Variants in GNPDA2 observed in about 807,000 individuals in gnomAD.
GNPDA2 encodes glucosamine-6-phosphate deaminase 2, also known as glcN6P deaminase 2.
Under a neutral mutation model 27.0 loss-of-function variants are expected in GNPDA2, and 24 were observed. That is an observed-to-expected ratio of 0.89 (90% CI 0.64 to 1.25). GNPDA2 has a LOEUF of 1.25. Among genes scored for constraint, GNPDA2 ranks in the 50% most tolerant of loss-of-function variants. GNPDA2 has a pLI of 0.00. For synonymous variants in GNPDA2, 94 were observed against 108.4 expected (o/e 0.87, Z 0.83); for missense variants, 286 against 335.1 (o/e 0.85, Z 1.14).
At chr4:44,725,836 T>C (rs1023498246) in intron 1 of GNPDA2, among the ~76,000 whole-genome samples, 3 of 152,240 alleles carry the variant, frequency 2.0e-5, no homozygotes, top group African/African-American at 7.2e-5. Context: ...TGATTCATTT[T>C]GGATGTGCAT....
At chr4:44,715,590 A>G (rs1209271860) in intron 4 of GNPDA2, among the ~76,000 whole-genome samples, 1 of 152,032 alleles carries the variant, frequency 6.6e-6, no homozygotes, top group African/African-American at 2.4e-5. Context: ...CCCCTCAGAC[A>G]CTCTCAAATA....
intron 1 of GNPDA2, among the ~76,000 whole-genome samples, chr4:44,723,302 T>C (rs1274302134): frequency 3.3e-5 from 5 of 152,140 alleles, no homozygotes; most frequent in African/African-American, 7.2e-5. Flanking sequence ...TTTTGTTACA[T>C]GGATATATTA....
chr4:44,715,844 C>T (rs956189882), intron 4 of GNPDA2, among the ~76,000 whole-genome samples: 1 of 151,990 alleles, frequency 6.6e-6, no homozygotes, highest in African/African-American at 2.4e-5. Flanking sequence ...GAAGTAAAAA[C>T]TATCTTAAAG....
chr4:44,723,163 G>A (rs1324902681), intron 1 of GNPDA2, among the ~76,000 whole-genome samples: 3 of 152,076 alleles, frequency 2.0e-5, no homozygotes, highest in Admixed American at 6.6e-5. Context: ...CACAATGTAG[G>A]TTGACTTATA....
intron 2 of GNPDA2, among the ~76,000 whole-genome samples, chr4:44,720,268 T>C (rs1196471330): frequency 1.3e-5 from 2 of 152,100 alleles, no homozygotes. Context: ...GAAGACAAAA[T>C]AACTGGGTCA....
intron 4 of GNPDA2, among the ~76,000 whole-genome samples, chr4:44,711,790 C>A (rs1296645058): frequency 8.3e-5 from 12 of 144,304 alleles, no homozygotes; most frequent in African/African-American, 2.8e-4. Context: ...TAAGAAATAA[C>A]ATTTGATATT....
chr4:44,721,569 T>C (rs181144993), intron 2 of GNPDA2, among the ~76,000 whole-genome samples: 3 of 152,194 alleles, frequency 2.0e-5, no homozygotes, highest in East Asian at 3.9e-4. Context: ...GATGAAGATA[T>C]ATTTTTCACT....
In GNPDA2 at chr4:44,718,359, C is replaced by A; in HGVS notation, c.176G>T (p.Gly59Val). ...CTTCACATATTTAAAAGAAAGGTGT[C>A]CATTCTTATGATATTCTATTAGTTT... is the stretch of plus-strand genomic sequence containing the variant. ...YKKLIEYHKN[G>V]HLSFKYVKTF... The change falls in exon 3 of 7, where the codon GGA (glycine) becomes GTA (valine). Residue 59 changes from glycine (G) to valine (V), a missense_variant. By Grantham distance (109) the Gly-to-Val change is moderately radical (BLOSUM62 -3). Transcript: ENST00000295448. 7.2e-7 allele frequency: 1 copy of A among 1,381,354 alleles called. No individual in the cohort carries two copies. The allele number at this position is 1,381,354 out of a possible 1,614,324, so 85.6% of individuals were successfully genotyped here.
chr4:44,711,637 T>C (rs901309373), intron 4 of GNPDA2, among the ~76,000 whole-genome samples: 1 of 152,056 alleles, frequency 6.6e-6, no homozygotes, highest in African/African-American at 2.4e-5. Context: ...CACTTTAATT[T>C]ACTTGGTTGT....
intron 4 of GNPDA2, among the ~76,000 whole-genome samples, 155 bp downstream of exon 4, chr4:44,716,958 G>T (rs1167016392): frequency 2.0e-5 from 3 of 151,748 alleles, no homozygotes; most frequent in African/African-American, 7.3e-5. Context: ...ATTTTCTGAA[G>T]AAAATGAAAA....
At chr4:44,714,680 T>C (rs895504551) in intron 4 of GNPDA2, 22 of 984,708 alleles carry the variant, frequency 2.2e-5, no homozygotes, top group Non-Finnish European at 2.4e-5. Flanking sequence ...AGAAGGGTAG[T>C]TGTAAGACCC....
chr4:44,704,902 C>G (rs2709), intron 6 of GNPDA2: 1 of 981,448 alleles, frequency 1.0e-6, no homozygotes, highest in Non-Finnish European at 1.2e-6. Context: ...AAAATCAAAG[C>G]TGTTCTATTT....
Position 44,702,288 on chromosome 4 carries a change from A to G in GNPDA2, c.*793T>C. 1 of 638,652 alleles carries G rather than the reference A, an allele frequency of 1.6e-6. No individual in the cohort carries two copies. The highest frequency in any genetic ancestry group is 1.4e-4 in the East Asian group (1 of 7,220). The allele number at this position is 638,652 out of a possible 1,614,324, so 39.6% of individuals were successfully genotyped here. On this transcript the variant is annotated 3_prime_UTR_variant, in exon 7 of 7. Transcript: ENST00000295448. ...TATTCTTTTAGACATTTTATAAGGA[A>G]TAAAGCTAATTGTATATTAAGTTTA...
chr4:44,705,009 C>A (rs2109690601), intron 6 of GNPDA2: 1 of 980,348 alleles, frequency 1.0e-6, no homozygotes, highest in South Asian at 4.7e-5. Context: ...AAGGTATATA[C>A]CGTTATATAG....
intron 4 of GNPDA2, among the ~76,000 whole-genome samples, chr4:44,716,424 C>G (rs534700369): frequency 2.0e-5 from 3 of 151,940 alleles, no homozygotes; most frequent in African/African-American, 7.2e-5. Context: ...ATTCTTATAG[C>G]AATTAGCTAG....
chr4:44,722,841 G>A (rs967196931), intron 1 of GNPDA2, among the ~76,000 whole-genome samples: 2 of 152,114 alleles, frequency 1.3e-5, no homozygotes, highest in African/African-American at 4.8e-5. Context: ...ATCTTGTGAA[G>A]TAAATAAAAT....
In GNPDA2 at chr4:44,702,338, A is replaced by T; in HGVS notation, c.*743T>A. 1.2e-6 allele frequency: 1 copy of T among 806,370 alleles called. No individual in the cohort carries two copies. Among genetic ancestry groups the T allele is most frequent in the Non-Finnish European group, 1.5e-6 (1 of 666,474 alleles). 50.0% of individuals were successfully genotyped at this position (806,370 alleles called of 1,614,324 possible). A position where few individuals can be genotyped will look rare whatever the true frequency, so the allele number is the denominator to read the frequency against. ...AACAATAATCAGAAAATATTCTCCA[A>T]AAGAATTTCCTGAAGTGGCTTGCTA... is the stretch of plus-strand genomic sequence containing the variant. On this transcript the variant is annotated 3_prime_UTR_variant, in exon 7 of 7. Coordinates refer to ENST00000295448, the MANE Select transcript of GNPDA2 (RefSeq NM_138335.3).
At chr4:44,724,443 G>A (rs909837852) in intron 1 of GNPDA2, among the ~76,000 whole-genome samples, 1 of 152,188 alleles carries the variant, frequency 6.6e-6, no homozygotes, top group Non-Finnish European at 1.5e-5. Flanking sequence ...TCAGTTCTTT[G>A]AGAAATCTTC....
intron 2 of GNPDA2, among the ~76,000 whole-genome samples, chr4:44,720,692 A>AG (rs1430831507): frequency 6.6e-6 from 1 of 152,178 alleles, no homozygotes; most frequent in African/African-American, 2.4e-5. Flanking sequence ...GTGGGGGAAG[A>AG]GGACATAATT....
Sources: gnomAD v4.1 joint callset for allele counts (sites outside exome capture counted in the v4.1 genomes callset) on GRCh38, gnomAD v4.1.1 for gene constraint, MANE v1.5 for transcripts, NCBI Gene and HGNC (gene_info 2026-07-23, HGNC 2026-07-21) for gene names.